Variants in CUL4A observed in about 807,000 individuals in gnomAD.
The protein encoded by CUL4A is cullin 4A.
Under a neutral mutation model 95.5 loss-of-function variants are expected in CUL4A, and 16 were observed. The observed-to-expected ratio is 0.17, with a 90% CI of 0.11 to 0.25. CUL4A has a LOEUF of 0.25. CUL4A is among the 10% of genes least tolerant of loss of function. The pLI is 1.00. For synonymous variants in CUL4A, 380 were observed against 353.1 expected, an observed-to-expected ratio of 1.08 and a Z score of -0.85; for missense variants, 610 against 937.0, an observed-to-expected ratio of 0.65 and a Z score of 4.56.
chr13:113,226,913 GC>G (rs200449900), intron 3 of CUL4A, among the ~76,000 whole-genome samples: 1 of 152,146 alleles, frequency 6.6e-6, no homozygotes, highest in African/African-American at 2.4e-5. Flanking sequence ...ATCTCCAGGA[GC>G]CCCCCTGTGG....
intron 2 of CUL4A, 40 bp from the exon 3 acceptor site, chr13:113,218,905 T>G (rs745437164): frequency 1.4e-6 from 2 of 1,399,278 alleles, no homozygotes; most frequent in Admixed American, 1.9e-5. Flanking sequence ...ACCAATCTGT[T>G]GTTCATACTG....
At chr13:113,213,178 A>G (rs2040516276) in intron 2 of CUL4A, among the ~76,000 whole-genome samples, 1 of 152,166 alleles carries the variant, frequency 6.6e-6, no homozygotes, top group African/African-American at 2.4e-5. Context: ...GCTTGAGCCC[A>G]GGAGTTCGAG....
At position 113,255,195 on chromosome 13, in the gene CUL4A, T is replaced by G. The variant is rs1019705718; in HGVS notation, c.2031+70T>G. 9 of 1,267,802 alleles carry G rather than the reference T, an allele frequency of 7.1e-6. No individual in the cohort carries two copies. The African/African-American group carries it at 1.0e-4, about 15-fold the overall frequency. 78.5% of individuals were successfully genotyped at this position (1,267,802 alleles called of 1,614,324 possible). A position where few individuals can be genotyped will look rare whatever the true frequency, so the allele number is the denominator to read the frequency against. On this transcript the variant is annotated intron_variant, in intron 18 of 19. Transcript: ENST00000375440. Reference sequence around the variant, plus strand: ...GAATCATTTGTTTTTGTAGTAATGTTTTTGGCTGTTAGAGGCCTGAAGCAC... The same window carrying G: ...GAATCATTTGTTTTTGTAGTAATGTGTTTGGCTGTTAGAGGCCTGAAGCAC...
At chr13:113,210,881 A>G (rs1188882533) in intron 2 of CUL4A, among the ~76,000 whole-genome samples, 2 of 152,258 alleles carry the variant, frequency 1.3e-5, no homozygotes, top group South Asian at 2.1e-4. Context: ...CTATACTCCT[A>G]CCACCCAAAG....
At chr13:113,241,858 T>TGA (rs1206792157) in intron 10 of CUL4A, among the ~76,000 whole-genome samples, 3 of 151,956 alleles carry the variant, frequency 2.0e-5, no homozygotes, top group Admixed American at 6.6e-5. Context: ...CGTGTGTGTG[T>TGA]GATGTGTGAG....
chr13:113,240,699 A>G (rs998743231), intron 10 of CUL4A, among the ~76,000 whole-genome samples: 5 of 152,212 alleles, frequency 3.3e-5, no homozygotes, highest in Non-Finnish European at 5.9e-5. Context: ...AAAAGTTACC[A>G]GGGTGTAGGG....
chr13:113,228,353 G>A (rs2139160179), intron 4 of CUL4A, among the ~76,000 whole-genome samples: 1 of 152,284 alleles, frequency 6.6e-6, no homozygotes, highest in African/African-American at 2.4e-5. Flanking sequence ...TGAATCCCAG[G>A]TCTTTCCTGC....
At chr13:113,242,848 A>T (rs2041757131) in intron 10 of CUL4A, 120 bp from the exon 11 acceptor site, 1 of 724,236 alleles carries the variant, frequency 1.4e-6, no homozygotes, top group Non-Finnish European at 2.2e-6. Context: ...TTTTAAAGTT[A>T]TTGAGTATTT....
chr13:113,219,403 G>A (rs1279407981), intron 3 of CUL4A: 3 of 187,590 alleles, frequency 1.6e-5, no homozygotes, highest in African/African-American at 2.4e-5. Context: ...CCACTTATCA[G>A]CGCACAGTTG....
At chr13:113,261,840 G>C (rs752394171) in intron 19 of CUL4A, among the ~76,000 whole-genome samples, 49 of 152,118 alleles carry the variant, frequency 3.2e-4, no homozygotes, top group Non-Finnish European at 5.6e-4. Flanking sequence ...GAGTGCAGTG[G>C]CACGATCTCG....
At chr13:113,215,532 G>T (rs1414456397) in intron 2 of CUL4A, among the ~76,000 whole-genome samples, 2 of 150,536 alleles carry the variant, frequency 1.3e-5, no homozygotes, top group Non-Finnish European at 3.0e-5. Flanking sequence ...TGTGGCTGTG[G>T]AGGTCTCTTT....
At chr13:113,253,273 T>A in intron 16 of CUL4A, 78 bp downstream of exon 16, 1 of 669,996 alleles carries the variant, frequency 1.5e-6, no homozygotes, top group African/African-American at 1.9e-5. Context: ...TGGACTTTAG[T>A]AGCAAAAAAG....
intron 15 of CUL4A, among the ~76,000 whole-genome samples, chr13:113,247,948 G>A (rs1205400084): frequency 2.0e-5 from 3 of 152,138 alleles, no homozygotes; most frequent in Admixed American, 6.5e-5. Context: ...GGCGGCCTTC[G>A]ATGCTCCCTG....
rs541490048 is a variant in CUL4A at position 113,219,927 on chromosome 13, C to T, written c.368+879C>T. 2.0e-5 allele frequency: 3 copies of T among 152,330 alleles called. No individual in the cohort carries two copies. In the East Asian group the frequency reaches 5.8e-4, roughly 29 times the overall value. 9.4% of individuals were successfully genotyped at this position (152,330 alleles called of 1,614,324 possible). On this transcript the variant is annotated intron_variant, in intron 3 of 19. Transcript: ENST00000375440. The stretch of plus-strand genomic sequence containing the variant: ...TTAATCTGGACTCAATCTCATTCCC[C>T]AGCCTCCTCCCAGTACTGTAGCTGT...
chr13:113,253,060 G>A (rs755125486), intron 15 of CUL4A, 22 bp from the exon 16 acceptor site: 2 of 1,289,160 alleles, frequency 1.6e-6, no homozygotes, highest in African/African-American at 1.5e-5. Context: ...GCATAATTTT[G>A]TTGTTCTCCT....
intron 3 of CUL4A, among the ~76,000 whole-genome samples, chr13:113,222,316 G>C (rs2040928190): frequency 6.6e-6 from 1 of 152,040 alleles, no homozygotes; most frequent in African/African-American, 2.4e-5. Flanking sequence ...TGGTGTGAGG[G>C]GTCACACCAC....
rs1204094974 is a variant in CUL4A at position 113,245,068 on chromosome 13, G to A, written c.1444+9G>A. The A allele has an allele frequency of 6.2e-7, 1 of 1,612,264 alleles. No homozygotes were observed. Among genetic ancestry groups the A allele is most frequent in the Non-Finnish European group, 8.5e-7 (1 of 1,178,386 alleles). ...GTCAAAGCTCAAGCATGGTAAGTAT[G>A]TGGGGCCTGGGCTCCTCCCCTGTAA... On this transcript the variant is annotated intron_variant, in intron 13 of 19. Coordinates refer to ENST00000375440, the MANE Select transcript of CUL4A (RefSeq NM_001008895.4).
intron 10 of CUL4A, among the ~76,000 whole-genome samples, chr13:113,242,171 C>G (rs2041732797): frequency 6.6e-6 from 1 of 151,986 alleles, no homozygotes; most frequent in African/African-American, 2.4e-5. Flanking sequence ...GTGGTGTGCA[C>G]CTGTAGTCCC....
At chr13:113,248,223 T>C (rs1378538425) in intron 15 of CUL4A, among the ~76,000 whole-genome samples, 6 of 152,112 alleles carry the variant, frequency 3.9e-5, no homozygotes, top group African/African-American at 1.4e-4. Flanking sequence ...CCTGGCTGAA[T>C]TGATTTTTAC....
Sources: gnomAD v4.1 joint callset for allele counts (sites outside exome capture counted in the v4.1 genomes callset) on GRCh38, gnomAD v4.1.1 for gene constraint, MANE v1.5 for transcripts, NCBI Gene and HGNC (gene_info 2026-07-23, HGNC 2026-07-21) for gene names.